Variants in SEPTIN9 observed in about 807,000 individuals in gnomAD.
The protein encoded by SEPTIN9 is septin-9.
A neutral mutation model predicts 56.6 loss-of-function variants in SEPTIN9; 13 were observed. The observed-to-expected ratio is 0.23, with a 90% CI of 0.15 to 0.37. The LOEUF (loss-of-function observed/expected upper bound fraction) is 0.37. SEPTIN9 is among the 10% of genes least tolerant of loss of function. The probability of loss-of-function intolerance (pLI) is 1.00; values close to 1 mark genes in which losing one functional copy is unlikely to be tolerated. For synonymous variants in SEPTIN9, 332 were observed against 334.1 expected, an observed-to-expected ratio of 0.99 and a Z score of 0.07; for missense variants, 650 against 823.1, an observed-to-expected ratio of 0.79 and a Z score of 2.57.
chr17:77,363,308 G>A (rs9907618), intron 2 of SEPTIN9, among the ~76,000 whole-genome samples: 34,644 of 151,024 alleles, frequency 0.23, 4,406 homozygotes, highest in East Asian at 0.61. Context: ...TTTCTCTGAC[G>A]TGATACAATC....
intron 2 of SEPTIN9, among the ~76,000 whole-genome samples, chr17:77,357,360 A>G (rs533044038): frequency 7.9e-5 from 11 of 138,554 alleles, no homozygotes; most frequent in African/African-American, 2.9e-4. Flanking sequence ...TCTTCCCTCC[A>G]TTCTGTTGTG....
chr17:77,475,852 G>A lies in SEPTIN9; in HGVS notation c.722-6292G>A, dbSNP rs2143112982. ...TGGCTTCACAGGCCTCCGTGGGCAGGAGGAGGATGACCTTGCATTCTGCTT... is the reference window on the plus strand; with the variant it reads ...TGGCTTCACAGGCCTCCGTGGGCAGAAGGAGGATGACCTTGCATTCTGCTT... On this transcript the variant is annotated intron_variant, in intron 3 of 11. Coordinates refer to ENST00000427177, the MANE Select transcript of SEPTIN9 (RefSeq NM_001113491.2). This position sits in a 1 kb window ranked among gnomAD's most constrained non-coding sequence, Gnocchi z 4.6. 1.2e-6 allele frequency: 2 copies of A among 1,613,538 alleles called. No homozygotes were observed. Among genetic ancestry groups the A allele is most frequent in the Non-Finnish European group, 1.7e-6 (2 of 1,179,844 alleles).
chr17:77,299,314 C>T (rs8070901), intron 1 of SEPTIN9, among the ~76,000 whole-genome samples: 3,785 of 152,284 alleles, frequency 0.025, 138 homozygotes, highest in African/African-American at 0.086. Context: ...TTATCTCCCC[C>T]GACAATGAAT....
At chr17:77,411,505 G>A (rs190734698) in intron 3 of SEPTIN9, among the ~76,000 whole-genome samples, 2 of 151,684 alleles carry the variant, frequency 1.3e-5, no homozygotes, top group East Asian at 2.0e-4. Flanking sequence ...GCTTTCAAGC[G>A]ATTCTCCTGC....
intron 2 of SEPTIN9, among the ~76,000 whole-genome samples, chr17:77,347,344 C>T (rs1286374172): frequency 1.3e-5 from 2 of 150,802 alleles, no homozygotes; most frequent in South Asian, 2.1e-4. Flanking sequence ...CACCATTGTA[C>T]TCCAGCCTGG....
chr17:77,491,699 G>T (rs1010052384), intron 8 of SEPTIN9, among the ~76,000 whole-genome samples: 3 of 151,688 alleles, frequency 2.0e-5, no homozygotes, highest in African/African-American at 7.3e-5. Flanking sequence ...CCAGCTACTT[G>T]GGAGGCTGAG....
At chr17:77,480,688 C>T (rs980366843) in intron 3 of SEPTIN9, among the ~76,000 whole-genome samples, 3 of 152,190 alleles carry the variant, frequency 2.0e-5, no homozygotes, top group Non-Finnish European at 4.4e-5. Flanking sequence ...CTGTGGCTGC[C>T]CCTGCTGGGT....
At chr17:77,390,454 T>TC (rs199905770) in intron 2 of SEPTIN9, among the ~76,000 whole-genome samples, 2,413 of 131,054 alleles carry the variant, frequency 0.018, 106 homozygotes, top group African/African-American at 0.078. Flanking sequence ...ACATTTCGCT[T>TC]TTTTTTTTTT....
chr17:77,309,059 C>T (rs188816965), intron 2 of SEPTIN9, among the ~76,000 whole-genome samples: 37 of 152,366 alleles, frequency 2.4e-4, no homozygotes, highest in Non-Finnish European at 4.3e-4. Flanking sequence ...AGCTTTTCTC[C>T]GGCTCCGCAT....
At chr17:77,462,621 T>C (rs1283844806) in intron 3 of SEPTIN9, among the ~76,000 whole-genome samples, 2 of 151,986 alleles carry the variant, frequency 1.3e-5, no homozygotes, top group African/African-American at 4.8e-5. Flanking sequence ...GCTTGTTTTT[T>C]AAATTTGTTT....
chr17:77,485,270 TGTG>T (rs2039724137), intron 4 of SEPTIN9, among the ~76,000 whole-genome samples: 2 of 110,176 alleles, frequency 1.8e-5, no homozygotes, highest in Non-Finnish European at 3.7e-5. Flanking sequence ...GTGATGGTGA[TGTG>T]GGTGATGGTG....
At chr17:77,393,320 C>T (rs1598301439) in intron 2 of SEPTIN9, among the ~76,000 whole-genome samples, 3 of 152,282 alleles carry the variant, frequency 2.0e-5, no homozygotes, top group South Asian at 4.2e-4. Context: ...AGTTCTTGGC[C>T]AAGGACTGCA....
chr17:77,495,776 C>G (rs1254977336), intron 10 of SEPTIN9, among the ~76,000 whole-genome samples: 1 of 152,194 alleles, frequency 6.6e-6, no homozygotes. Flanking sequence ...AGGGCCTAGG[C>G]AAAGGCAACC....
intron 2 of SEPTIN9, among the ~76,000 whole-genome samples, chr17:77,311,881 A>T (rs1488158311): frequency 6.6e-6 from 1 of 151,982 alleles, no homozygotes; most frequent in African/African-American, 2.4e-5. Flanking sequence ...GGGCTCTTGC[A>T]GGCACCCCTA....
chr17:77,489,642 G>C (rs1179925782), intron 7 of SEPTIN9, among the ~76,000 whole-genome samples: 1 of 152,180 alleles, frequency 6.6e-6, no homozygotes, highest in Non-Finnish European at 1.5e-5. Context: ...CCTGGGCGGA[G>C]GAAGCCCAGG....
chr17:77,368,250 G>A (rs2034627274), intron 2 of SEPTIN9, among the ~76,000 whole-genome samples: 1 of 152,166 alleles, frequency 6.6e-6, no homozygotes, highest in Non-Finnish European at 1.5e-5. Flanking sequence ...TGTACAATGT[G>A]AATGTACTTA....
intron 1 of SEPTIN9, among the ~76,000 whole-genome samples, chr17:77,305,738 A>G (rs1453839064): frequency 1.3e-5 from 2 of 151,528 alleles, no homozygotes; most frequent in South Asian, 2.1e-4. Flanking sequence ...TCCTGTAGTT[A>G]TGGAACATGT....
intron 2 of SEPTIN9, among the ~76,000 whole-genome samples, chr17:77,344,281 G>T (rs1338511016): frequency 1.3e-5 from 2 of 152,040 alleles, no homozygotes; most frequent in Non-Finnish European, 2.9e-5. Flanking sequence ...TAATCATCAG[G>T]GAAATGAAAA....
intron 2 of SEPTIN9, among the ~76,000 whole-genome samples, chr17:77,388,412 C>G (rs891835490): frequency 9.2e-5 from 14 of 152,228 alleles, no homozygotes; most frequent in Non-Finnish European, 1.3e-4. Flanking sequence ...TTGTCAACCT[C>G]TTCATGTCTT....
Sources: gnomAD v4.1 joint callset for allele counts (sites outside exome capture counted in the v4.1 genomes callset) on GRCh38, gnomAD v4.1.1 for gene constraint, Gnocchi (gnomAD v3.1) non-coding constraint, MANE v1.5 for transcripts, NCBI Gene and HGNC (gene_info 2026-07-23, HGNC 2026-07-21) for gene names.